CDYL2: variants seen among roughly 807,000 people sequenced by gnomAD.
The protein encoded by CDYL2 is chromodomain Y like 2, also known as chromodomain Y-like protein 2.
Under a neutral mutation model 49.4 loss-of-function variants are expected in CDYL2, and 23 were observed. That is an observed-to-expected ratio of 0.47 (90% CI 0.34 to 0.66). The LOEUF (loss-of-function observed/expected upper bound fraction) is 0.66, where lower values mean the gene tolerates loss of function less well. CDYL2 is among the 30% of genes least tolerant of loss of function. The pLI is 0.01. For synonymous variants in CDYL2, 360 were observed against 268.8 expected (o/e 1.34, Z -3.32); for missense variants, 678 against 656.4 (o/e 1.03, Z -0.36).
At chr16:80,721,064 T>C (rs1299285175) in intron 1 of CDYL2, among the ~76,000 whole-genome samples, 2 of 152,124 alleles carry the variant, frequency 1.3e-5, no homozygotes, top group Non-Finnish European at 2.9e-5. Context: ...CAGGAAAATG[T>C]CAGCTCCTCC....
chr16:80,683,966 G>A lies in CDYL2; in HGVS notation c.616+572C>T, dbSNP rs963109626. ...ACAGCAGCCTGAACAGACTAAGACA[G>A]GACCTAATATAGGTCAATCATCCAA... is the stretch of plus-strand genomic sequence containing the variant. On this transcript the variant is annotated intron_variant, in intron 2 of 6. Transcript: ENST00000570137. Among the ~76,000 whole-genome samples the A allele has an allele frequency of 2.0e-5, 3 of 152,230 alleles. No homozygotes were observed. In the South Asian group the frequency reaches 6.2e-4, roughly 31 times the overall value.
At chr16:80,742,489 G>GATGA (rs1905775507) in intron 1 of CDYL2, among the ~76,000 whole-genome samples, 1 of 151,422 alleles carries the variant, frequency 6.6e-6, no homozygotes, top group African/African-American at 2.4e-5. Flanking sequence ...TGGATGGATG[G>GATGA]ATGGATGAAT....
At chr16:80,729,588 G>A (rs1243379682) in intron 1 of CDYL2, among the ~76,000 whole-genome samples, 3 of 152,074 alleles carry the variant, frequency 2.0e-5, no homozygotes, top group African/African-American at 4.8e-5. Flanking sequence ...ACTCAGCTCT[G>A]CACCAAGCAG....
intron 1 of CDYL2, among the ~76,000 whole-genome samples, chr16:80,715,628 T>C (rs1183903151): frequency 6.6e-6 from 1 of 152,082 alleles, no homozygotes; most frequent in Non-Finnish European, 1.5e-5. Context: ...TTTTTTTTCA[T>C]AATGAAAATC....
chr16:80,650,986 GA>G (rs1908559031), intron 2 of CDYL2, among the ~76,000 whole-genome samples: 1 of 144,418 alleles, frequency 6.9e-6, no homozygotes. Context: ...GGGGGCGGGG[GA>G]GATGAAGTGG....
intron 1 of CDYL2, among the ~76,000 whole-genome samples, chr16:80,765,208 G>C (rs1353647549): frequency 6.9e-6 from 1 of 145,250 alleles, no homozygotes; most frequent in Non-Finnish European, 1.5e-5. Flanking sequence ...TACCAAAAAA[G>C]CTAAATGAAT....
intron 2 of CDYL2, chr16:80,679,849 T>G: frequency 2.2e-6 from 1 of 451,258 alleles, no homozygotes; most frequent in South Asian, 1.6e-5. Flanking sequence ...TCTAGGAACT[T>G]CTGCTGGAGG....
rs1197980192 is a variant in CDYL2, at chr16:80,610,710, T to C, written c.1218+1916A>G. ...AATCTTCTCTGCTGTCCAAGAGGCA[T>C]GATGACAGCACCAAGCTCCCAGCAC... On this transcript the variant is annotated intron_variant, in intron 5 of 6. Transcript: ENST00000570137. Among the ~76,000 whole-genome samples, 3 of 152,184 alleles carry C rather than the reference T, an allele frequency of 2.0e-5. No individual in the cohort carries two copies. In the East Asian group the frequency reaches 5.8e-4, roughly 29 times the overall value.
At chr16:80,666,646 A>T (rs186177692) in intron 2 of CDYL2, among the ~76,000 whole-genome samples, 2 of 152,338 alleles carry the variant, frequency 1.3e-5, no homozygotes, top group East Asian at 3.9e-4. Context: ...CCCTGACAAA[A>T]TACGGGCTTT....
At chr16:80,785,078 C>G (rs574505844) in intron 1 of CDYL2, among the ~76,000 whole-genome samples, 4 of 152,116 alleles carry the variant, frequency 2.6e-5, no homozygotes, top group Non-Finnish European at 5.9e-5. Context: ...GTATACAGGA[C>G]TTTTGTCCAA....
intron 1 of CDYL2, among the ~76,000 whole-genome samples, chr16:80,688,723 T>A (rs1422845609): frequency 6.6e-6 from 1 of 152,178 alleles, no homozygotes; most frequent in East Asian, 1.9e-4. Flanking sequence ...TTCTGACTCT[T>A]TTCCTCTTCT....
intron 1 of CDYL2, among the ~76,000 whole-genome samples, chr16:80,749,956 A>G (rs937553525): frequency 1.3e-5 from 2 of 152,100 alleles, no homozygotes; most frequent in Non-Finnish European, 2.9e-5. Flanking sequence ...GAAGCTGGAA[A>G]CCATCATTCT....
In CDYL2 at chr16:80,600,601, G is replaced by C. The variant is rs956573019; in HGVS notation, c.*3787C>G. On this transcript the variant is annotated 3_prime_UTR_variant, in exon 7 of 7. Coordinates refer to ENST00000570137, the MANE Select transcript of CDYL2 (RefSeq NM_152342.4). ...TTAAATACTGTGTATATTAGTGAGA[G>C]TGTCTAAACTAATATATACAACAGA... 6.6e-6 allele frequency: 1 copy of C among 152,146 alleles called. No homozygotes were observed. The highest frequency in any genetic ancestry group is 1.5e-5 in the Non-Finnish European group (1 of 68,016). 9.4% of individuals were successfully genotyped at this position (152,146 alleles called of 1,614,324 possible).
At chr16:80,610,872 T>G (rs1387453646) in intron 5 of CDYL2, among the ~76,000 whole-genome samples, 1 of 152,142 alleles carries the variant, frequency 6.6e-6, no homozygotes, top group African/African-American at 2.4e-5. Context: ...ATGCCCCCAG[T>G]GGACCCCGGG....
At chr16:80,724,068 A>T (rs1262511415) in intron 1 of CDYL2, among the ~76,000 whole-genome samples, 1 of 150,674 alleles carries the variant, frequency 6.6e-6, no homozygotes, top group African/African-American at 2.4e-5. Context: ...GGAAGAAAGA[A>T]GGAAGAGGAG....
intron 1 of CDYL2, among the ~76,000 whole-genome samples, chr16:80,714,574 C>T (rs1321204077): frequency 6.6e-6 from 1 of 152,168 alleles, no homozygotes. Flanking sequence ...GTGTCTCCTG[C>T]AAGACGTAAG....
At chr16:80,703,833 G>C (rs1000007276) in intron 1 of CDYL2, among the ~76,000 whole-genome samples, 1 of 152,128 alleles carries the variant, frequency 6.6e-6, no homozygotes, top group African/African-American at 2.4e-5. Context: ...CCTGAGCTTG[G>C]ATGACAAGCC....
chr16:80,680,215 AT>A (rs1909915645), intron 2 of CDYL2, among the ~76,000 whole-genome samples: 1 of 152,184 alleles, frequency 6.6e-6, no homozygotes, highest in Non-Finnish European at 1.5e-5. Context: ...GACTCGTTCA[AT>A]GGTAGAGATA....
chr16:80,611,112 CTGTTCA>C (rs573341104), intron 5 of CDYL2, among the ~76,000 whole-genome samples: 2 of 152,314 alleles, frequency 1.3e-5, no homozygotes, highest in South Asian at 4.1e-4. Flanking sequence ...ATTCTTGCGT[CTGTTCA>C]AATGTCACCT....
Sources: allele counts gnomAD v4.1 joint callset (sites outside exome capture counted in the v4.1 genomes callset), GRCh38; gene constraint gnomAD v4.1.1; transcripts MANE v1.5; gene names NCBI Gene and HGNC (gene_info 2026-07-23, HGNC 2026-07-21).